Variants in RANBP9 observed in about 807,000 individuals in gnomAD.
RANBP9 encodes the protein ran-binding protein 9.
RANBP9 carries 15 observed loss-of-function variants against 84.3 expected under a neutral mutation model. The observed-to-expected ratio is 0.18, with a 90% CI of 0.12 to 0.27. The LOEUF (loss-of-function observed/expected upper bound fraction) is 0.27, where lower values mean the gene tolerates loss of function less well. Among genes scored for constraint, RANBP9 ranks in the 10% least tolerant of loss-of-function variants. The pLI is 1.00. For missense variants in RANBP9, 809 were observed against 912.8 expected (o/e 0.89, Z 1.46); for synonymous variants, 392 against 349.6 (o/e 1.12, Z -1.35).
chr6:13,673,447 T>C (rs1057478914), intron 2 of RANBP9, among the ~76,000 whole-genome samples: 12 of 152,298 alleles, frequency 7.9e-5, no homozygotes, highest in Non-Finnish European at 1.3e-4. Flanking sequence ...ATAGAATCCT[T>C]ATGAAGAAAG....
Position 13,634,447 on chromosome 6 carries a change from A to G in RANBP9, c.1779T>C (p.Asp593=), listed in dbSNP as rs763529382. Residue 593 remains aspartate (D), a synonymous_variant, in exon 11 of 14, where the codon GAT becomes GAC. Coordinates refer to ENST00000011619, the MANE Select transcript of RANBP9 (RefSeq NM_005493.3). ...ACTGCAGACCCATTTCGGTGTCACA[A>G]TCTTCCATTTCGTGGTCATGTTTAG... The part of the protein sequence containing the change: ...GSSKHDHEME[D]CDTEMEVDSS... 2.5e-6 allele frequency: 4 copies of G among 1,613,638 alleles called. No individual in the cohort carries two copies. The highest frequency in any genetic ancestry group is 1.1e-5 in the South Asian group (1 of 91,060).
chr6:13,645,318 A>C (rs1765156296), intron 5 of RANBP9, among the ~76,000 whole-genome samples: 1 of 152,132 alleles, frequency 6.6e-6, no homozygotes, highest in African/African-American at 2.4e-5. Flanking sequence ...TTAAAAAAAA[A>C]ACACAAAACC....
At chr6:13,680,035 A>G (rs959466401) in intron 2 of RANBP9, among the ~76,000 whole-genome samples, 3 of 152,202 alleles carry the variant, frequency 2.0e-5, no homozygotes, top group African/African-American at 7.2e-5. Flanking sequence ...CCACAAGAAA[A>G]GAGGAAAGAG....
At chr6:13,696,383 C>G (rs539474261) in intron 2 of RANBP9, among the ~76,000 whole-genome samples, 88 of 152,304 alleles carry the variant, frequency 5.8e-4, no homozygotes, top group African/African-American at 2.0e-3. Flanking sequence ...CATTTCCCAG[C>G]TGAAACCTAA....
At chr6:13,683,862 A>C (rs1205578154) in intron 2 of RANBP9, among the ~76,000 whole-genome samples, 1 of 151,632 alleles carries the variant, frequency 6.6e-6, no homozygotes, top group African/African-American at 2.4e-5. Flanking sequence ...AACTGCACTA[A>C]AGATAACCAC....
chr6:13,653,937 A>G (rs188986970), intron 4 of RANBP9, among the ~76,000 whole-genome samples: 170 of 152,198 alleles, frequency 1.1e-3, no homozygotes, highest in African/African-American at 3.9e-3. Context: ...ACTTTCCCAA[A>G]AATTTCACAA....
intron 5 of RANBP9, among the ~76,000 whole-genome samples, chr6:13,646,981 T>A (rs749845779): frequency 6.6e-6 from 1 of 152,182 alleles, no homozygotes; most frequent in Non-Finnish European, 1.5e-5. Context: ...AGTTCAAGAT[T>A]TAAAAACTTT....
intron 1 of RANBP9, among the ~76,000 whole-genome samples, chr6:13,708,398 C>T (rs1315961650): frequency 6.6e-6 from 1 of 152,128 alleles, no homozygotes; most frequent in African/African-American, 2.4e-5. Context: ...TGCACTCCAT[C>T]AAGGCAACAA....
intron 8 of RANBP9, among the ~76,000 whole-genome samples, chr6:13,640,358 A>T (rs1765036603): frequency 6.6e-6 from 1 of 152,222 alleles, no homozygotes; most frequent in Non-Finnish European, 1.5e-5. Context: ...TTATTAAAAA[A>T]AAATAGTTAA....
intron 2 of RANBP9, among the ~76,000 whole-genome samples, chr6:13,686,046 C>T (rs1766168293): frequency 6.9e-6 from 1 of 144,072 alleles, no homozygotes; most frequent in Non-Finnish European, 1.5e-5. Context: ...GTTTAGTTTT[C>T]TCCCTTACAT....
intron 2 of RANBP9, among the ~76,000 whole-genome samples, chr6:13,681,307 C>G (rs145023464): frequency 6.9e-6 from 1 of 145,960 alleles, no homozygotes; most frequent in Non-Finnish European, 1.5e-5. Context: ...GAGAGTTTGG[C>G]GTGGTTGTTA....
rs770081010 is a variant in RANBP9 at position 13,641,236 on chromosome 6, A to C, written c.1297T>G (p.Leu433Val). Residue 433 changes from leucine to valine, a missense_variant, in exon 8 of 14, where the codon TTA (leucine) becomes GTA (valine). Coordinates refer to ENST00000011619, the MANE Select transcript of RANBP9 (RefSeq NM_005493.3). Reference protein sequence around the residue: ...IETTQQLYPSLLERNPNLLFT... With the variant: ...IETTQQLYPSVLERNPNLLFT... ...AGGAGATTAGGATTTCTTTCAAGTAAACTTGGGTATAACTGTTGTGTTGTT... is the reference window on the plus strand; with the variant it reads ...AGGAGATTAGGATTTCTTTCAAGTACACTTGGGTATAACTGTTGTGTTGTT... 1 of 1,597,820 alleles carries C rather than the reference A, an allele frequency of 6.3e-7. No individual in the cohort carries two copies. The highest frequency in any genetic ancestry group is 1.1e-5 in the South Asian group (1 of 87,324).
chr6:13,625,080 C>G (rs1018654555), intron 13 of RANBP9, among the ~76,000 whole-genome samples: 6 of 152,210 alleles, frequency 3.9e-5, no homozygotes, highest in African/African-American at 1.4e-4. Flanking sequence ...GCTCTTCACT[C>G]CCTTACTTCC....
chr6:13,642,776 T>C (rs920274101), intron 6 of RANBP9, among the ~76,000 whole-genome samples, 185 bp from the exon 7 acceptor site: 2 of 152,220 alleles, frequency 1.3e-5, no homozygotes, highest in Non-Finnish European at 2.9e-5. Context: ...ATTCATGTAC[T>C]ATTTTCGAAA....
At chr6:13,659,430 GTTCT>G (rs1361181844) in intron 2 of RANBP9, among the ~76,000 whole-genome samples, 21 of 151,990 alleles carry the variant, frequency 1.4e-4, no homozygotes, top group African/African-American at 4.8e-4. Flanking sequence ...TAAACAGAGG[GTTCT>G]TTATTATCAA....
chr6:13,624,080 T>C (rs1006319955), intron 13 of RANBP9, among the ~76,000 whole-genome samples: 1 of 152,236 alleles, frequency 6.6e-6, no homozygotes, highest in Non-Finnish European at 1.5e-5. Context: ...CGGAGCTAAA[T>C]GAATTTTGTA....
chr6:13,711,278 G>GGGC lies in RANBP9; in HGVS notation c.225_227dup (p.Pro77dup), dbSNP rs918978796. On this transcript the variant is annotated inframe_insertion, in exon 1 of 14. Coordinates refer to ENST00000011619, the MANE Select transcript of RANBP9 (RefSeq NM_005493.3). The stretch of plus-strand genomic sequence containing the variant: ...GGGGCGGCGGGGCCGCGGTGGCCGG[G>GGGC]GGCGGCGGCGGCGGAGGGTGGAGGA... 343 of 992,280 alleles carry GGGC rather than the reference G, an allele frequency of 3.5e-4. No individual in the cohort carries two copies. Among genetic ancestry groups the GGGC allele is most frequent in the Non-Finnish European group, 3.9e-4 (330 of 835,564 alleles). The allele number at this position is 992,280 out of a possible 1,614,324, so 61.5% of individuals were successfully genotyped here.
chr6:13,695,336 T>C (rs138853982), intron 2 of RANBP9, among the ~76,000 whole-genome samples: 332 of 146,852 alleles, frequency 2.3e-3, no homozygotes, highest in African/African-American at 7.8e-3. Context: ...GCAGTAGAGA[T>C]GAACAGAAAA....
chr6:13,629,651 C>T (rs1017447419), intron 12 of RANBP9, among the ~76,000 whole-genome samples: 1 of 152,114 alleles, frequency 6.6e-6, no homozygotes, highest in African/African-American at 2.4e-5. Flanking sequence ...TCATACTGGA[C>T]TTTCCACAGT....
Sources: gnomAD v4.1 joint callset for allele counts (sites outside exome capture counted in the v4.1 genomes callset) on GRCh38, gnomAD v4.1.1 for gene constraint, MANE v1.5 for transcripts, NCBI Gene and HGNC (gene_info 2026-07-23, HGNC 2026-07-21) for gene names.